The following KDM5A variants were observed in gnomAD, a reference collection of about 807,000 sequenced individuals.
KDM5A encodes the protein lysine demethylase 5A, also known as lysine-specific demethylase 5A.
A neutral mutation model predicts 193.5 loss-of-function variants in KDM5A; 42 were observed. That is an observed-to-expected ratio of 0.22 (90% confidence interval 0.17 to 0.28). KDM5A has a LOEUF of 0.28. Among genes scored for constraint, KDM5A ranks in the 10% least tolerant of loss-of-function variants. The pLI is 1.00. For missense variants in KDM5A, 1,692 were observed against 2,055.1 expected (o/e 0.82, Z 3.42); for synonymous variants, 796 against 718.1 (o/e 1.11, Z -1.73).
At position 293,016 on chromosome 12, in the gene KDM5A, T is replaced by C; in HGVS notation, c.4609A>G (p.Lys1537Glu). 1 of 1,590,226 alleles carries C rather than the reference T, an allele frequency of 6.3e-7. No homozygotes were observed. The highest frequency in any genetic ancestry group is 8.5e-7 in the Non-Finnish European group (1 of 1,174,102). Residue 1537 changes from lysine to glutamate, a missense_variant, in exon 27 of 28, where the codon AAA becomes GAA. Lys to Glu is a moderately conservative substitution (Grantham distance 56). Transcript: ENST00000399788. ...LKKMDKPRKKKLKLGADKSKE... is the reference protein window; with the variant it reads ...LKKMDKPRKKELKLGADKSKE... ...GATTTGTCTGCACCTAATTTTAATT[T>C]CTTCTTTCTAGGTTTGTCCATTTTC... is the stretch of plus-strand genomic sequence containing the variant.
At chr12:358,622 CT>C (rs1193644061) in intron 5 of KDM5A, among the ~76,000 whole-genome samples, 1 of 152,060 alleles carries the variant, frequency 6.6e-6, no homozygotes, top group East Asian at 1.9e-4. Context: ...TGATCTAAAA[CT>C]CAAAATAACA....
intron 2 of KDM5A, among the ~76,000 whole-genome samples, 181 bp downstream of exon 2, chr12:385,716 A>T (rs964845917): frequency 1.3e-5 from 2 of 152,226 alleles, no homozygotes; most frequent in Non-Finnish European, 2.9e-5. Flanking sequence ...TGGAAAAACC[A>T]TAACAACTTT....
chr12:330,206 GA>G (rs1197633963), intron 13 of KDM5A, among the ~76,000 whole-genome samples: 3 of 151,416 alleles, frequency 2.0e-5, no homozygotes, highest in African/African-American at 4.9e-5. Context: ...ACAAGCAAAA[GA>G]AAAAAATCAT....
intron 4 of KDM5A, among the ~76,000 whole-genome samples, chr12:364,907 T>C (rs978819433): frequency 6.6e-6 from 1 of 152,046 alleles, no homozygotes; most frequent in Admixed American, 6.5e-5. Context: ...TGTCTATGAA[T>C]ATTCATAGCA....
chr12:331,227 G>T (rs1943862509), intron 13 of KDM5A, among the ~76,000 whole-genome samples: 2 of 152,146 alleles, frequency 1.3e-5, no homozygotes, highest in African/African-American at 4.8e-5. Flanking sequence ...GTATAAGCCT[G>T]ATCACCTTAA....
chr12:383,884 G>A, intron 3 of KDM5A, 147 bp downstream of exon 3: 1 of 871,956 alleles, frequency 1.1e-6, no homozygotes, highest in Non-Finnish European at 1.9e-6. Flanking sequence ...GAGTAGCTGG[G>A]ATTACAGGCA....
Position 307,101 on chromosome 12 carries a change from A to G in KDM5A, c.3931-12T>C. 7 of 1,614,154 alleles carry G rather than the reference A, an allele frequency of 4.3e-6. No individual in the cohort carries two copies. The highest frequency in any genetic ancestry group is 5.9e-6 in the Non-Finnish European group (7 of 1,179,996). On this transcript the variant is annotated splice_polypyrimidine_tract_variant and intron_variant, in intron 23 of 27. Transcript: ENST00000399788. This position sits in a 1 kb window ranked among gnomAD's most constrained non-coding sequence, Gnocchi z 4.3. ...CTAGGTAAGTGTCCCTAAACAACAA[A>G]TAATTCCAAGATGAACAGCAAGACA...
At chr12:360,239 A>G (rs1438021439) in intron 5 of KDM5A, among the ~76,000 whole-genome samples, 1 of 152,066 alleles carries the variant, frequency 6.6e-6, no homozygotes, top group African/African-American at 2.4e-5. Flanking sequence ...ATGCCACTGC[A>G]CTCCAGCCTG....
chr12:383,166 C>T (rs1944595952), intron 3 of KDM5A, among the ~76,000 whole-genome samples: 1 of 151,970 alleles, frequency 6.6e-6, no homozygotes, highest in Non-Finnish European at 1.5e-5. Context: ...CTAATATATA[C>T]CACACATAAG....
rs1944634696 is a variant in KDM5A at position 386,104 on chromosome 12, T to C, written c.166-130A>G. ...ACTAACTTACAAGTCTTCTTTATTA[T>C]AGAGACAGAATGAGCAATTCTTTTC... On this transcript the variant is annotated intron_variant, in intron 1 of 27. Coordinates refer to ENST00000399788, the MANE Select transcript of KDM5A (RefSeq NM_001042603.3). The C allele has an allele frequency of 6.6e-5, 45 of 680,848 alleles. 2 individuals are homozygous for C. Among genetic ancestry groups the C allele is most frequent in the South Asian group, 6.2e-4 (39 of 63,268 alleles). 42.2% of individuals were successfully genotyped at this position (680,848 alleles called of 1,614,324 possible).
At chr12:328,571 T>C (rs993983360) in intron 14 of KDM5A, among the ~76,000 whole-genome samples, 3 of 152,228 alleles carry the variant, frequency 2.0e-5, no homozygotes, top group Admixed American at 1.3e-4. Context: ...TAAACAATAC[T>C]GTATGTAGAA....
intron 27 of KDM5A, 43 bp from the exon 28 acceptor site, chr12:285,705 T>G: frequency 1.3e-6 from 2 of 1,564,182 alleles, no homozygotes; most frequent in Non-Finnish European, 1.8e-6. Context: ...TACATAAACA[T>G]TAAGCCTAGA....
chr12:383,618 G>C (rs1302875967), intron 3 of KDM5A, among the ~76,000 whole-genome samples: 2 of 152,034 alleles, frequency 1.3e-5, no homozygotes, highest in East Asian at 3.8e-4. Flanking sequence ...AATTTATTTT[G>C]CATATTGTAT....
intron 3 of KDM5A, among the ~76,000 whole-genome samples, chr12:383,540 A>G (rs1944601467): frequency 6.6e-6 from 1 of 151,940 alleles, no homozygotes. Flanking sequence ...AAGTAACAAA[A>G]AAAAAGATGA....
intron 10 of KDM5A, among the ~76,000 whole-genome samples, chr12:343,727 A>C (rs1944035511): frequency 6.6e-6 from 1 of 152,244 alleles, no homozygotes; most frequent in Non-Finnish European, 1.5e-5. Flanking sequence ...CAACATCAAC[A>C]AAAAGGTCAT....
chr12:330,054 A>AGTGTGTGTGTGTGTGTGTGTGT (rs148451707), intron 13 of KDM5A, among the ~76,000 whole-genome samples: 2 of 142,278 alleles, frequency 1.4e-5, no homozygotes, highest in East Asian at 4.3e-4. Flanking sequence ...CAAAGGAAAA[A>AGTGTGTGTGTGTGTGTGTGTGT]GTGTGTGTGT....
At chr12:371,074 A>ATG (rs145601788) in intron 3 of KDM5A, among the ~76,000 whole-genome samples, 85 of 14,134 alleles carry the variant, frequency 6.0e-3, no homozygotes, top group African/African-American at 0.019. Context: ...CACAATAAAC[A>ATG]TATGTGTGCA....
Position 280,357 on chromosome 12 carries a change from AT to A in KDM5A, c.*5098del, listed in dbSNP as rs534638175. 1,157 of 192,962 alleles carry A rather than the reference AT, an allele frequency of 6.0e-3. No individual in the cohort carries two copies. The highest frequency in any genetic ancestry group is 0.011 in the East Asian group (132 of 11,702). The allele number at this position is 192,962 out of a possible 1,614,324, so 12.0% of individuals were successfully genotyped here. ...ATCTAAACTGGGAGGGTCCAACACA[AT>A]TTTTTTTTTTAATGGACTTGCCACC... is the stretch of plus-strand genomic sequence containing the variant. On this transcript the variant is annotated 3_prime_UTR_variant, in exon 28 of 28. Transcript: ENST00000399788.
chr12:336,826 C>T (rs1943940525), intron 10 of KDM5A, among the ~76,000 whole-genome samples: 1 of 138,620 alleles, frequency 7.2e-6, no homozygotes, highest in Non-Finnish European at 1.5e-5. Context: ...CAGAGCGAGA[C>T]TCCATCTCAA....
Sources: allele counts gnomAD v4.1 joint callset (sites outside exome capture counted in the v4.1 genomes callset), GRCh38; gene constraint gnomAD v4.1.1; non-coding constraint Gnocchi (gnomAD v3.1); transcripts MANE v1.5; gene names NCBI Gene and HGNC (gene_info 2026-07-23, HGNC 2026-07-21).